The following NEK1 variants were observed in gnomAD, a reference collection of about 807,000 sequenced individuals.
NEK1 encodes NIMA related kinase 1, also known as serine/threonine-protein kinase Nek1.
NEK1 carries 137 observed loss-of-function variants against 182.1 expected under a neutral mutation model. The observed-to-expected ratio is 0.75, with a 90% confidence interval of 0.65 to 0.87. The LOEUF (loss-of-function observed/expected upper bound fraction) is 0.87. NEK1 is among the 40% of genes least tolerant of loss of function. The pLI is 0.00. For missense variants in NEK1, 1,391 were observed against 1,494.4 expected (o/e 0.93, Z 1.14); for synonymous variants, 513 against 492.2 (o/e 1.04, Z -0.56).
intron 19 of NEK1, among the ~76,000 whole-genome samples, chr4:169,523,534 C>T (rs141946922): frequency 4.6e-5 from 7 of 152,154 alleles, no homozygotes; most frequent in Admixed American, 3.9e-4. Flanking sequence ...AGGCATGGAA[C>T]AGATTCTCCC....
At chr4:169,608,373 C>T (rs1560802107) in intron 2 of NEK1, among the ~76,000 whole-genome samples, 1 of 152,120 alleles carries the variant, frequency 6.6e-6, no homozygotes. Flanking sequence ...AGCAGTGAGA[C>T]AACTGGGTAG....
intron 18 of NEK1, among the ~76,000 whole-genome samples, chr4:169,551,141 G>C (rs1256517586): frequency 2.0e-5 from 3 of 152,126 alleles, no homozygotes; most frequent in Non-Finnish European, 4.4e-5. Context: ...GCAGAATACA[G>C]TGAAAACTTC....
At chr4:169,602,425 C>T (rs1043181413) in intron 3 of NEK1, 89 bp downstream of exon 3, 63 of 625,472 alleles carry the variant, frequency 1.0e-4, no homozygotes, top group African/African-American at 8.8e-4. Flanking sequence ...TTATCGATTA[C>T]TTTTTTTTTT....
At chr4:169,484,625 G>T (rs1046841992) in intron 23 of NEK1, among the ~76,000 whole-genome samples, 3 of 152,110 alleles carry the variant, frequency 2.0e-5, no homozygotes, top group Admixed American at 6.6e-5. Context: ...AAAAAATATA[G>T]AAAGAACTAA....
chr4:169,492,573 C>T (rs925742721), intron 23 of NEK1, among the ~76,000 whole-genome samples: 6 of 152,156 alleles, frequency 3.9e-5, no homozygotes, highest in African/African-American at 1.4e-4. Flanking sequence ...AAACAGAGAA[C>T]TGGGTGAGCA....
At chr4:169,504,485 T>G (rs1270629318) in intron 23 of NEK1, among the ~76,000 whole-genome samples, 2 of 152,124 alleles carry the variant, frequency 1.3e-5, no homozygotes, top group African/African-American at 4.8e-5. Context: ...AACCTAATTG[T>G]CCATCAACAG....
chr4:169,523,956 T>G (rs1005104577), intron 19 of NEK1, among the ~76,000 whole-genome samples: 7 of 152,166 alleles, frequency 4.6e-5, no homozygotes, highest in African/African-American at 1.7e-4. Flanking sequence ...TTAAGATGAG[T>G]TAATAAGAAA....
At chr4:169,508,446 A>C (rs905745039) in intron 20 of NEK1, 115 bp from the exon 21 acceptor site, 1 of 770,608 alleles carries the variant, frequency 1.3e-6, no homozygotes. Flanking sequence ...CAAGAAATAA[A>C]AGTTCTGAAA....
intron 23 of NEK1, among the ~76,000 whole-genome samples, chr4:169,496,165 A>G (rs181716919): frequency 1.4e-3 from 210 of 152,306 alleles, no homozygotes; most frequent in African/African-American, 4.1e-3. Flanking sequence ...CTTTGAAGCA[A>G]TTGTGAATGG....
chr4:169,579,091 C>T lies in NEK1; in HGVS notation c.868+1751G>A, dbSNP rs576530244. ...TTCTAAGAAACAAATATGAACAGTC[C>T]CATCTACTTTCCAGAGAAAAGAAAG... On this transcript the variant is annotated intron_variant, in intron 11 of 35. Coordinates refer to ENST00000507142, the MANE Select transcript of NEK1 (RefSeq NM_001199397.3). 4.7e-4 allele frequency among the ~76,000 whole-genome samples: 71 copies of T among 152,202 alleles called. 2 individuals are homozygous for T. In the South Asian group the frequency reaches 5.0e-3, roughly 11 times the overall value.
chr4:169,555,584 A>G, intron 18 of NEK1, 136 bp downstream of exon 18: 1 of 1,157,178 alleles, frequency 8.6e-7, no homozygotes, highest in South Asian at 1.3e-5. Context: ...ACCTCAGAAA[A>G]TTATTGTACC....
intron 18 of NEK1, among the ~76,000 whole-genome samples, chr4:169,542,710 C>G (rs548691763): frequency 6.6e-6 from 1 of 151,956 alleles, no homozygotes; most frequent in South Asian, 2.1e-4. Context: ...GAGATGGTAT[C>G]TCATTGTGGT....
At chr4:169,573,989 C>T (rs1365920704) in intron 12 of NEK1, among the ~76,000 whole-genome samples, 1 of 151,936 alleles carries the variant, frequency 6.6e-6, no homozygotes, top group Non-Finnish European at 1.5e-5. Flanking sequence ...AGTGCAACCC[C>T]ACCACTACAA....
chr4:169,436,367 CATT>C (rs138064793), intron 28 of NEK1, among the ~76,000 whole-genome samples: 2,267 of 152,234 alleles, frequency 0.015, 55 homozygotes, highest in African/African-American at 0.049. Flanking sequence ...GCTTCAATGA[CATT>C]GTTGGTGAGA....
intron 5 of NEK1, among the ~76,000 whole-genome samples, chr4:169,596,829 G>A (rs1388163533): frequency 2.0e-5 from 3 of 152,112 alleles, no homozygotes; most frequent in African/African-American, 7.2e-5. Flanking sequence ...CCTTATTTGT[G>A]CTAACAGAAC....
intron 35 of NEK1, among the ~76,000 whole-genome samples, chr4:169,395,552 T>C (rs1400165862): frequency 1.3e-5 from 2 of 152,228 alleles, no homozygotes; most frequent in Non-Finnish European, 2.9e-5. Context: ...ATCAATGTAG[T>C]TGGATCATTA....
At chr4:169,553,760 T>C (rs1761758844) in intron 18 of NEK1, among the ~76,000 whole-genome samples, 1 of 152,186 alleles carries the variant, frequency 6.6e-6, no homozygotes, top group East Asian at 1.9e-4. Flanking sequence ...ATGTTGAATA[T>C]GTCATTAGGG....
chr4:169,498,143 C>A (rs1294881642), intron 23 of NEK1, among the ~76,000 whole-genome samples: 1 of 152,180 alleles, frequency 6.6e-6, no homozygotes, highest in Non-Finnish European at 1.5e-5. Context: ...TTGAATTGAT[C>A]CCTTTACAAT....
chr4:169,498,512 C>T (rs1751794726), intron 23 of NEK1, among the ~76,000 whole-genome samples: 1 of 152,174 alleles, frequency 6.6e-6, no homozygotes, highest in Non-Finnish European at 1.5e-5. Context: ...ATGGTCTTTA[C>T]AATTTGGCAT....
Sources: gnomAD v4.1 joint callset for allele counts (sites outside exome capture counted in the v4.1 genomes callset) on GRCh38, gnomAD v4.1.1 for gene constraint, MANE v1.5 for transcripts, NCBI Gene and HGNC (gene_info 2026-07-23, HGNC 2026-07-21) for gene names.